DPP10: variants seen among roughly 807,000 people sequenced by gnomAD.
DPP10 encodes the protein inactive dipeptidyl peptidase 10.
In DPP10, 33 loss-of-function variants were observed where a neutral mutation model predicts 120.9. The ratio of observed to expected loss-of-function variants is 0.27; its 90% CI spans 0.21 to 0.37. DPP10 has a LOEUF of 0.37. DPP10 is among the 10% of genes least tolerant of loss of function. DPP10 has a pLI of 1.00. For missense variants in DPP10, 816 were observed against 942.8 expected (o/e 0.87, Z 1.76); for synonymous variants, 337 against 326.1 (o/e 1.03, Z -0.36).
intron 5 of DPP10, among the ~76,000 whole-genome samples, chr2:115,586,491 A>C (rs547093895): frequency 6.6e-6 from 1 of 152,288 alleles, no homozygotes; most frequent in African/African-American, 2.4e-5. Context: ...CAAAAAGCAA[A>C]TGCATGTACA....
chr2:114,742,126 C>T (rs977292135), intron 1 of DPP10, among the ~76,000 whole-genome samples: 1 of 152,128 alleles, frequency 6.6e-6, no homozygotes, highest in Non-Finnish European at 1.5e-5. Flanking sequence ...AATACTTACA[C>T]AAAAAGTCAA....
intron 19 of DPP10, among the ~76,000 whole-genome samples, chr2:115,812,660 A>G (rs1017091618): frequency 1.3e-5 from 2 of 152,232 alleles, no homozygotes; most frequent in Admixed American, 6.5e-5. Context: ...TAGGTGGCAA[A>G]CACTGTGGAA....
rs138790490 is a variant in DPP10, at chr2:115,273,278, C to T, written c.61-35961C>T. On this transcript the variant is annotated intron_variant, in intron 1 of 25. Coordinates refer to ENST00000410059, the MANE Select transcript of DPP10 (RefSeq NM_020868.6). ...ACTTGAAGGTACTCTTAGTACTCTC[C>T]TTCATGGCCAGTTTATCTATACCGT... Among the ~76,000 whole-genome samples the T allele has an allele frequency of 7.6e-3, 1,147 of 151,774 alleles. 15 individuals carry two copies. The highest frequency in any genetic ancestry group is 0.01 in the Non-Finnish European group (687 of 67,930).
At chr2:115,689,663 A>G (rs1380706133) in intron 5 of DPP10, 24 bp from the exon 6 acceptor site, 8 of 1,394,194 alleles carry the variant, frequency 5.7e-6, no homozygotes, top group Non-Finnish European at 7.9e-6. Context: ...GCTATGATCA[A>G]TAATGTTTCT....
intron 1 of DPP10, among the ~76,000 whole-genome samples, chr2:114,599,313 T>A (rs1419787757): frequency 6.6e-6 from 1 of 151,930 alleles, no homozygotes; most frequent in African/African-American, 2.4e-5. Flanking sequence ...TATACACATT[T>A]AATTCACAAC....
chr2:114,952,357 A>T (rs1697857312), intron 1 of DPP10, among the ~76,000 whole-genome samples: 1 of 152,214 alleles, frequency 6.6e-6, no homozygotes, highest in Admixed American at 6.5e-5. Flanking sequence ...AAACAAATGT[A>T]AAAACACCTG....
chr2:115,033,697 C>CTTTTT (rs10693499), intron 1 of DPP10, among the ~76,000 whole-genome samples: 2 of 137,964 alleles, frequency 1.4e-5, no homozygotes, highest in African/African-American at 2.7e-5. Context: ...ATCTTCCCTC[C>CTTTTT]TTTTTTTTTT....
chr2:114,791,846 CTA>C (rs1683274562), intron 1 of DPP10, among the ~76,000 whole-genome samples: 1 of 152,146 alleles, frequency 6.6e-6, no homozygotes, highest in Non-Finnish European at 1.5e-5. Context: ...AGCATTATGA[CTA>C]TGATTTAGAA....
intron 1 of DPP10, among the ~76,000 whole-genome samples, chr2:114,572,114 A>G (rs1056163932): frequency 2.0e-5 from 3 of 151,790 alleles, no homozygotes; most frequent in South Asian, 2.1e-4. Flanking sequence ...ATACACAAAC[A>G]TGTATGCACA....
At chr2:115,568,002 C>G (rs1024256199) in intron 5 of DPP10, among the ~76,000 whole-genome samples, 3 of 151,760 alleles carry the variant, frequency 2.0e-5, no homozygotes, top group Non-Finnish European at 4.4e-5. Context: ...ATGGTGAAAC[C>G]CAGTCTGTAC....
intron 1 of DPP10, among the ~76,000 whole-genome samples, chr2:114,974,654 C>A (rs1036998713): frequency 1.3e-5 from 2 of 151,902 alleles, no homozygotes; most frequent in African/African-American, 4.8e-5. Context: ...AGTGGTCCAC[C>A]CCCTTAGCCT....
chr2:114,925,888 A>G (rs911459727), intron 1 of DPP10, among the ~76,000 whole-genome samples: 1 of 152,184 alleles, frequency 6.6e-6, no homozygotes, highest in African/African-American at 2.4e-5. Flanking sequence ...ATCCTTGGCA[A>G]TTATTCAAGC....
chr2:114,592,741 A>G (rs887396455), intron 1 of DPP10, among the ~76,000 whole-genome samples: 1 of 152,120 alleles, frequency 6.6e-6, no homozygotes, highest in Non-Finnish European at 1.5e-5. Context: ...TAAAACAACA[A>G]TGAGATATTC....
At chr2:114,666,508 C>T (rs536382217) in intron 1 of DPP10, among the ~76,000 whole-genome samples, 3 of 152,264 alleles carry the variant, frequency 2.0e-5, no homozygotes, top group East Asian at 3.9e-4. Flanking sequence ...ATTTAGCAAA[C>T]GCCATTTTCA....
chr2:114,502,229 A>C (rs62173075), intron 1 of DPP10, among the ~76,000 whole-genome samples: 18,823 of 152,240 alleles, frequency 0.12, 1,266 homozygotes, highest in South Asian at 0.2. Flanking sequence ...CTGGGATAAC[A>C]GGCGTGAGCC....
rs576852016 is a variant in DPP10, at chr2:115,237,086, A to G, written c.61-72153A>G. On this transcript the variant is annotated intron_variant, in intron 1 of 25. Coordinates refer to ENST00000410059, the MANE Select transcript of DPP10 (RefSeq NM_020868.6). ...CTATGAAGCTAAGCTCTATACAGAC[A>G]AAGCTTATTTTATTGTACTTTGTGT... is the stretch of plus-strand genomic sequence containing the variant. Among the ~76,000 whole-genome samples, 52 of 152,348 alleles carry G rather than the reference A, an allele frequency of 3.4e-4. 1 individual carries two copies. Among genetic ancestry groups the G allele is most frequent in the Middle Eastern group, 3.4e-3 (1 of 294 alleles).
intron 5 of DPP10, among the ~76,000 whole-genome samples, chr2:115,603,411 G>A (rs954958636): frequency 7.0e-6 from 1 of 142,514 alleles, no homozygotes; most frequent in East Asian, 2.1e-4. Flanking sequence ...AAATAGGACA[G>A]ATCTGTTTTC....
At chr2:115,545,391 A>G (rs918310494) in intron 5 of DPP10, among the ~76,000 whole-genome samples, 6 of 152,176 alleles carry the variant, frequency 3.9e-5, no homozygotes, top group Non-Finnish European at 7.4e-5. Flanking sequence ...GAAAATTTGT[A>G]TAAATAGAAG....
intron 1 of DPP10, among the ~76,000 whole-genome samples, chr2:114,906,614 C>T (rs1056702593): frequency 2.0e-5 from 3 of 151,952 alleles, no homozygotes; most frequent in Non-Finnish European, 4.4e-5. Context: ...TTGAGATGAC[C>T]ATGAGGTTAT....
Sources: allele counts gnomAD v4.1 joint callset (sites outside exome capture counted in the v4.1 genomes callset), GRCh38; gene constraint gnomAD v4.1.1; transcripts MANE v1.5; gene names NCBI Gene and HGNC (gene_info 2026-07-23, HGNC 2026-07-21).